DMD: variants seen among roughly 807,000 people sequenced by gnomAD.
DMD encodes the protein dystrophin, also known as mutant dystrophin.
A neutral mutation model predicts 330.1 loss-of-function variants in DMD; 63 were observed. The observed-to-expected ratio is 0.19, with a 90% CI of 0.16 to 0.24. The LOEUF (loss-of-function observed/expected upper bound fraction) is 0.24. Among genes scored for constraint, DMD ranks in the 10% least tolerant of loss-of-function variants. The pLI, the probability that DMD is intolerant of heterozygous loss-of-function variation, is 1.00. For missense variants in DMD, 3,344 were observed against 2,684.1 expected (o/e 1.25, Z -5.43); for synonymous variants, 1,223 against 959.8 (o/e 1.27, Z -5.07).
chrX:32,208,372 G>T (rs889744659), intron 44 of DMD, among the ~76,000 whole-genome samples: 2 of 111,752 alleles, frequency 1.8e-5, no homozygotes, highest in Non-Finnish European at 3.8e-5. Flanking sequence ...GTTATGTTCT[G>T]CAGGCTCTCC....
At chrX:31,688,825 C>T (rs1176173478) in intron 52 of DMD, among the ~76,000 whole-genome samples, 1 of 111,721 alleles carries the variant, frequency 9.0e-6, no homozygotes, top group Non-Finnish European at 1.9e-5. Context: ...ATACGCAAAT[C>T]AATAAATGTA....
rs746707118 is a variant in DMD at position 32,470,409 on chromosome X, G to T, written c.2950-1699C>A. Among the ~76,000 whole-genome samples the T allele has an allele frequency of 6.3e-5, 7 of 110,540 alleles. No homozygotes were observed. In the East Asian group the frequency reaches 1.4e-3, roughly 22 times the overall value. On this transcript the variant is annotated intron_variant, in intron 22 of 78. Transcript: ENST00000357033. ...CCCCACATTTTTTGAACATTTTATT[G>T]TATGTGGTTTTTATTTTGGTGTAAC...
chrX:33,108,980 A>G (rs7887022), intron 1 of DMD, among the ~76,000 whole-genome samples: 43,158 of 106,372 alleles, frequency 0.41, 7,716 homozygotes, highest in Non-Finnish European at 0.52. Flanking sequence ...TATCAATTTT[A>G]TTGGCCAGTT....
chrX:32,210,806 G>A (rs1359179795), intron 44 of DMD, among the ~76,000 whole-genome samples: 1 of 111,362 alleles, frequency 9.0e-6, no homozygotes, highest in Admixed American at 9.6e-5. Flanking sequence ...TTAGATAAGG[G>A]CTTTCTGGGC....
At chrX:32,362,607 G>A (rs770746412) in intron 37 of DMD, among the ~76,000 whole-genome samples, 181 bp downstream of exon 37, 1 of 111,091 alleles carries the variant, frequency 9.0e-6, no homozygotes, top group Non-Finnish European at 1.9e-5. Context: ...AGACAGAGAC[G>A]GGGAGGAGTG....
chrX:32,562,154 A>G (rs2051091785), intron 16 of DMD, among the ~76,000 whole-genome samples: 1 of 111,915 alleles, frequency 8.9e-6, no homozygotes, highest in Non-Finnish European at 1.9e-5. Context: ...AATCCAGGGT[A>G]TATTTGCCCT....
chrX:32,115,294 G>C (rs774193744), intron 44 of DMD, among the ~76,000 whole-genome samples: 1 of 111,460 alleles, frequency 9.0e-6, no homozygotes, highest in African/African-American at 3.3e-5. Context: ...GGAGTGCAGC[G>C]GTGTGATCAC....
chrX:33,295,733 C>G (rs968718681), intron 1 of DMD, among the ~76,000 whole-genome samples: 4 of 111,225 alleles, frequency 3.6e-5, no homozygotes, highest in African/African-American at 1.3e-4. Flanking sequence ...AATAAACAGA[C>G]CCACATCTAC....
At chrX:31,635,232 T>C (rs929514984) in intron 54 of DMD, among the ~76,000 whole-genome samples, 1 of 112,146 alleles carries the variant, frequency 8.9e-6, no homozygotes, top group African/African-American at 3.2e-5. Context: ...TTCTCAATGA[T>C]TTGTATAATG....
Position 31,478,123 on chromosome X carries a change from G to C in DMD, c.8920C>G (p.His2974Asp). Residue 2974 changes from histidine (H) to aspartate (D), a missense_variant, in exon 59 of 79, where the codon CAC becomes GAC. Physicochemically the swap from His to Asp is moderately conservative, Grantham distance 81. Coordinates refer to ENST00000357033, the MANE Select transcript of DMD (RefSeq NM_004006.3). ...GACGGTACCTTGACTTTCTCGAGGT[G>C]ATCTTGGAGAGAGTCAATGAGGAGA... ...GDLLIDSLQD[H>D]LEKVKALRGE... 2.5e-6 allele frequency: 3 copies of C among 1,210,706 alleles called. No individual in the cohort carries two copies. The highest frequency in any genetic ancestry group is 3.4e-6 in the Non-Finnish European group (3 of 895,094).
chrX:32,264,619 T>C (rs2097336840), intron 43 of DMD, among the ~76,000 whole-genome samples: 1 of 111,884 alleles, frequency 8.9e-6, no homozygotes, highest in African/African-American at 3.3e-5. Flanking sequence ...TGAATGGCTT[T>C]GACCCAAATG....
chrX:32,484,274 G>C (rs892300908), intron 21 of DMD, among the ~76,000 whole-genome samples: 5 of 111,793 alleles, frequency 4.5e-5, no homozygotes, highest in African/African-American at 1.6e-4. Flanking sequence ...GAGATATTTT[G>C]GAGCAGATAC....
chrX:32,966,041 G>C (rs748147533), intron 2 of DMD, among the ~76,000 whole-genome samples: 3 of 112,061 alleles, frequency 2.7e-5, no homozygotes, highest in Non-Finnish European at 5.6e-5. Context: ...TCAAAGCAAA[G>C]TATCTAAGAT....
At chrX:32,986,028 T>G (rs1275819625) in intron 2 of DMD, among the ~76,000 whole-genome samples, 1 of 111,720 alleles carries the variant, frequency 9.0e-6, no homozygotes, top group African/African-American at 3.2e-5. Context: ...ACTTATTACT[T>G]TTCTAAATTG....
intron 44 of DMD, among the ~76,000 whole-genome samples, chrX:31,995,122 A>G (rs2095576128): frequency 8.9e-6 from 1 of 111,806 alleles, no homozygotes; most frequent in African/African-American, 3.2e-5. Flanking sequence ...CCGAAGTTCC[A>G]AATTCTCTCT....
intron 1 of DMD, among the ~76,000 whole-genome samples, chrX:33,337,725 A>G (rs1169893643): frequency 8.9e-6 from 1 of 112,168 alleles, no homozygotes; most frequent in Non-Finnish European, 1.9e-5. Context: ...TAATTAGCCC[A>G]CCACTTGCTA....
chrX:31,396,548 G>GTTTTTTTT (rs56745544), intron 60 of DMD, among the ~76,000 whole-genome samples: 4 of 66,066 alleles, frequency 6.1e-5, no homozygotes, highest in Non-Finnish European at 1.1e-4. Context: ...AAATCCCAGG[G>GTTTTTTTT]TTTTTTTTTT....
intron 1 of DMD, among the ~76,000 whole-genome samples, chrX:33,139,868 T>TA (rs3990971): frequency 0.016 from 1,056 of 64,277 alleles, 58 homozygotes; most frequent in African/African-American, 0.056. Context: ...GCCCCATCGC[T>TA]AAAAAAAAAA....
intron 1 of DMD, among the ~76,000 whole-genome samples, chrX:33,082,258 G>T (rs895696146): frequency 4.5e-5 from 5 of 111,805 alleles, no homozygotes; most frequent in Admixed American, 9.5e-5. Context: ...CTTTAAAAAA[G>T]AAATTCTTTT....
Sources: allele counts gnomAD v4.1 joint callset (sites outside exome capture counted in the v4.1 genomes callset), GRCh38; gene constraint gnomAD v4.1.1; transcripts MANE v1.5; gene names NCBI Gene and HGNC (gene_info 2026-07-23, HGNC 2026-07-21).